The following FER variants were observed in gnomAD, a reference collection of about 807,000 sequenced individuals.
FER encodes the protein tyrosine-protein kinase Fer.
A neutral mutation model predicts 111.0 loss-of-function variants in FER; 63 were observed. The ratio of observed to expected loss-of-function variants is 0.57; its 90% confidence interval spans 0.46 to 0.70. FER has a LOEUF of 0.70. Among genes scored for constraint, FER ranks in the 30% least tolerant of loss-of-function variants. FER has a pLI of 0.00. For synonymous variants in FER, 327 were observed against 313.9 expected, an observed-to-expected ratio of 1.04 and a Z score of -0.44; for missense variants, 914 against 954.0, an observed-to-expected ratio of 0.96 and a Z score of 0.55.
chr5:108,788,427 A>T (rs930666556), intron 2 of FER, among the ~76,000 whole-genome samples: 2 of 151,940 alleles, frequency 1.3e-5, no homozygotes, highest in Non-Finnish European at 2.9e-5. Flanking sequence ...GGCTGAGTGG[A>T]TGGAATGAGT....
At chr5:109,060,644 A>T (rs558144555) in intron 16 of FER, among the ~76,000 whole-genome samples, 1 of 152,198 alleles carries the variant, frequency 6.6e-6, no homozygotes, top group South Asian at 2.1e-4. Context: ...AGATTGCATC[A>T]CTGCACTCTG....
At chr5:108,880,923 G>A (rs1765613039) in intron 8 of FER, among the ~76,000 whole-genome samples, 1 of 152,070 alleles carries the variant, frequency 6.6e-6, no homozygotes, top group African/African-American at 2.4e-5. Context: ...TTCTGAATAT[G>A]TATAATAGTT....
chr5:109,180,817 C>G lies in FER; in HGVS notation c.2119C>G (p.Arg707Gly). The G allele has an allele frequency of 6.2e-7, 1 of 1,613,550 alleles. No homozygotes were observed. The highest frequency in any genetic ancestry group is 8.5e-7 in the Non-Finnish European group (1 of 1,179,708). Residue 707 changes from arginine to glycine, a missense_variant, in exon 18 of 20, where the codon CGT (arginine) becomes GGT (glycine). Transcript: ENST00000281092. ...GAAAATCAGTGACTTTGGAATGTCTCGTCAAGAGGATGGTGGAGTGTATTC... is the reference window on the plus strand; with the variant it reads ...GAAAATCAGTGACTTTGGAATGTCTGGTCAAGAGGATGGTGGAGTGTATTC... ...VLKISDFGMS[R>G]QEDGGVYSSS... is the part of the protein sequence containing the mutation.
chr5:109,194,682 T>C lies in FER; in HGVS notation c.*7107T>C, dbSNP rs1759612148. The C allele has an allele frequency of 6.6e-6, 1 of 152,154 alleles. No homozygotes were observed. Among genetic ancestry groups the C allele is most frequent in the Non-Finnish European group, 1.5e-5 (1 of 68,040 alleles). The allele number at this position is 152,154 out of a possible 1,614,324, so 9.4% of individuals were successfully genotyped here. A position where few individuals can be genotyped will look rare whatever the true frequency, so the allele number is the denominator to read the frequency against. On this transcript the variant is annotated 3_prime_UTR_variant, in exon 20 of 20. Coordinates refer to ENST00000281092, the MANE Select transcript of FER (RefSeq NM_005246.4). ...TTCTTTTGAAAGTATAGGACAGATA[T>C]CAGTGGGAAACGTCGGCGTTCTGAG...
chr5:109,183,248 G>GTTTT (rs10682212), intron 18 of FER, among the ~76,000 whole-genome samples: 26,155 of 115,392 alleles, frequency 0.23, 4,455 homozygotes, highest in Non-Finnish European at 0.31. Context: ...ATCCTAGCGT[G>GTTTT]TTTTTTTTTT....
At chr5:108,908,687 C>T (rs1053477877) in intron 10 of FER, among the ~76,000 whole-genome samples, 1 of 149,786 alleles carries the variant, frequency 6.7e-6, no homozygotes, top group South Asian at 2.1e-4. Flanking sequence ...CGCCATTGCA[C>T]TCTAGCCTGG....
intron 3 of FER, among the ~76,000 whole-genome samples, chr5:108,806,082 G>A (rs1033722448): frequency 2.0e-5 from 3 of 152,162 alleles, no homozygotes; most frequent in African/African-American, 4.8e-5. Context: ...CCTGTGTTAC[G>A]TGCAGTCTAA....
At chr5:108,816,231 T>C (rs1328331825) in intron 3 of FER, among the ~76,000 whole-genome samples, 1 of 152,152 alleles carries the variant, frequency 6.6e-6, no homozygotes, top group African/African-American at 2.4e-5. Context: ...AAGCACTAGG[T>C]GAATGCAGAA....
At chr5:109,005,492 C>G (rs1765380285) in intron 13 of FER, among the ~76,000 whole-genome samples, 1 of 152,070 alleles carries the variant, frequency 6.6e-6, no homozygotes, top group Non-Finnish European at 1.5e-5. Context: ...TATGTATAAG[C>G]ATGTGTCATC....
intron 17 of FER, among the ~76,000 whole-genome samples, chr5:109,116,534 A>G (rs1476032040): frequency 2.0e-5 from 3 of 152,258 alleles, no homozygotes; most frequent in Non-Finnish European, 4.4e-5. Flanking sequence ...TAAGGAATCA[A>G]TGATTCTTTC....
chr5:109,142,627 G>C (rs1004103248), intron 17 of FER, among the ~76,000 whole-genome samples: 6 of 152,120 alleles, frequency 3.9e-5, no homozygotes, highest in Non-Finnish European at 7.4e-5. Context: ...TATTTATAGA[G>C]AGAGCATATA....
chr5:109,079,753 T>C (rs1776772802), intron 16 of FER, among the ~76,000 whole-genome samples: 1 of 152,026 alleles, frequency 6.6e-6, no homozygotes, highest in African/African-American at 2.4e-5. Flanking sequence ...AATATCACAT[T>C]AGATTAGATT....
intron 6 of FER, 53 bp downstream of exon 6, chr5:108,868,003 A>T (rs1286303695): frequency 6.5e-7 from 1 of 1,529,194 alleles, no homozygotes; most frequent in Non-Finnish European, 8.9e-7. Flanking sequence ...TGATTTCAAC[A>T]TATTTTCTCT....
At chr5:108,835,668 A>C in intron 4 of FER, 40 bp from the exon 5 acceptor site, 1 of 1,297,384 alleles carries the variant, frequency 7.7e-7, no homozygotes. Context: ...ATTTAAATTT[A>C]AACAATTTAA....
intron 3 of FER, among the ~76,000 whole-genome samples, chr5:108,804,458 G>A (rs1408894422): frequency 6.6e-6 from 1 of 152,064 alleles, no homozygotes; most frequent in Non-Finnish European, 1.5e-5. Flanking sequence ...TATGATGTGG[G>A]CTGTGTGTTT....
At chr5:109,042,097 G>A (rs748379088) in intron 14 of FER, among the ~76,000 whole-genome samples, 3 of 152,084 alleles carry the variant, frequency 2.0e-5, no homozygotes, top group Admixed American at 6.6e-5. Flanking sequence ...TATGCAAGTC[G>A]GAGATAGATG....
intron 17 of FER, among the ~76,000 whole-genome samples, chr5:109,115,356 C>G (rs1473640063): frequency 6.6e-6 from 1 of 152,168 alleles, no homozygotes; most frequent in Non-Finnish European, 1.5e-5. Flanking sequence ...AAGGTGACTC[C>G]TAGGTTTCTC....
At chr5:108,867,024 ACTAC>A (rs765525189) in intron 5 of FER, among the ~76,000 whole-genome samples, 7 of 152,236 alleles carry the variant, frequency 4.6e-5, no homozygotes, top group Admixed American at 2.6e-4. Flanking sequence ...CTAGAACTGC[ACTAC>A]CTAAGGAGAC....
chr5:109,007,058 T>G (rs1317693713), intron 13 of FER, among the ~76,000 whole-genome samples: 1 of 152,190 alleles, frequency 6.6e-6, no homozygotes, highest in Non-Finnish European at 1.5e-5. Context: ...ATTCAGAAAA[T>G]TGAGGCATTA....
Sources: gnomAD v4.1 joint callset for allele counts (sites outside exome capture counted in the v4.1 genomes callset) on GRCh38, gnomAD v4.1.1 for gene constraint, MANE v1.5 for transcripts, NCBI Gene and HGNC (gene_info 2026-07-23, HGNC 2026-07-21) for gene names.